Variants in TTC39B observed in about 807,000 individuals in gnomAD.
The protein encoded by TTC39B is tetratricopeptide repeat protein 39B.
TTC39B carries 92 observed loss-of-function variants against 96.6 expected under a neutral mutation model. The ratio of observed to expected loss-of-function variants is 0.95; its 90% CI spans 0.80 to 1.13. The LOEUF (loss-of-function observed/expected upper bound fraction) is 1.13. TTC39B is among the 50% of genes most tolerant of loss of function. TTC39B has a pLI of 0.00. For synonymous variants in TTC39B, 367 were observed against 299.4 expected (o/e 1.23, Z -2.33); for missense variants, 955 against 809.3 (o/e 1.18, Z -2.18).
intron 1 of TTC39B, among the ~76,000 whole-genome samples, chr9:15,286,538 A>C (rs1363371884): frequency 2.0e-5 from 3 of 152,112 alleles, no homozygotes; most frequent in African/African-American, 7.2e-5. Flanking sequence ...GTGTTGTCCT[A>C]TTTCTCCACT....
intron 1 of TTC39B, among the ~76,000 whole-genome samples, chr9:15,292,286 G>C (rs1824214841): frequency 1.3e-5 from 2 of 152,246 alleles, no homozygotes; most frequent in Non-Finnish European, 2.9e-5. Context: ...CATAAGATTG[G>C]AGTGGAGCTA....
At chr9:15,214,550 A>C (rs1488293398) in intron 3 of TTC39B, among the ~76,000 whole-genome samples, 1 of 152,138 alleles carries the variant, frequency 6.6e-6, no homozygotes, top group Non-Finnish European at 1.5e-5. Flanking sequence ...GTGCAAAATA[A>C]CTGTTGTCTA....
At position 15,226,034 on chromosome 9, in the gene TTC39B, C is replaced by T. The variant is rs150594316; in HGVS notation, c.276-22G>A. The T allele has an allele frequency of 1.4e-3, 2,245 of 1,608,476 alleles. 29 individuals are homozygous for T. The African/African-American group carries it at 0.027, about 19-fold the overall frequency. ...AGATCTGTTAATTAAAAAGGCAGAG[C>T]AAGGTTTTTTATTTCTTTGTCCTGT... is the stretch of plus-strand genomic sequence containing the variant. On this transcript the variant is annotated intron_variant, in intron 2 of 19. Transcript: ENST00000512701.
At chr9:15,189,625 G>C in exon 13 of TTC39B, 1 of 1,614,046 alleles carries the variant, frequency 6.2e-7, no homozygotes, top group Non-Finnish European at 8.5e-7. Flanking sequence ...AAAACAACAC[G>C]AGTGAGCCCT....
chr9:15,252,539 T>C (rs1384181425), intron 2 of TTC39B, among the ~76,000 whole-genome samples: 1 of 152,040 alleles, frequency 6.6e-6, no homozygotes, highest in African/African-American at 2.4e-5. Flanking sequence ...TCCCAGCTAC[T>C]TGGGAGGCTG....
At chr9:15,245,760 G>A (rs537409970) in intron 2 of TTC39B, among the ~76,000 whole-genome samples, 58 of 152,032 alleles carry the variant, frequency 3.8e-4, no homozygotes, top group Non-Finnish European at 6.0e-4. Flanking sequence ...AATGATCACC[G>A]AAGAAATCCA....
chr9:15,304,243 G>T (rs1441175962), intron 1 of TTC39B, among the ~76,000 whole-genome samples: 1 of 152,096 alleles, frequency 6.6e-6, no homozygotes, highest in Non-Finnish European at 1.5e-5. Context: ...TAAATTTGTT[G>T]GATTGACCTT....
chr9:15,232,005 G>A lies in TTC39B; in HGVS notation c.276-5993C>T, dbSNP rs878862687. Reference sequence around the variant, plus strand: ...CCCCGAGTCACCCCCACCAGGGCTGGAGCTTGAGCTCGTCACTGTGATACT... The same window carrying A: ...CCCCGAGTCACCCCCACCAGGGCTGAAGCTTGAGCTCGTCACTGTGATACT... On this transcript the variant is annotated intron_variant, in intron 2 of 19. Transcript: ENST00000512701. Among the ~76,000 whole-genome samples, 10 of 152,084 alleles carry A rather than the reference G, an allele frequency of 6.6e-5. 1 individual carries two copies. The highest frequency in any genetic ancestry group is 6.5e-4 in the Admixed American group (10 of 15,274).
chr9:15,277,579 C>G (rs551539573), intron 1 of TTC39B, among the ~76,000 whole-genome samples: 1 of 152,000 alleles, frequency 6.6e-6, no homozygotes, highest in East Asian at 1.9e-4. Context: ...AGACATTGCC[C>G]AACACAGTGA....
intron 1 of TTC39B, among the ~76,000 whole-genome samples, chr9:15,292,683 A>C (rs2131605203): frequency 6.6e-6 from 1 of 152,294 alleles, no homozygotes; most frequent in South Asian, 2.1e-4. Context: ...ATGTAGGCCC[A>C]GGCTAATCTG....
chr9:15,178,877 C>A (rs1177911336), intron 17 of TTC39B, among the ~76,000 whole-genome samples: 1 of 152,150 alleles, frequency 6.6e-6, no homozygotes, highest in Non-Finnish European at 1.5e-5. Context: ...ATTAAAAATT[C>A]AGGAAGTAGA....
intron 1 of TTC39B, among the ~76,000 whole-genome samples, chr9:15,283,607 G>A (rs1390401424): frequency 1.3e-5 from 2 of 151,952 alleles, no homozygotes; most frequent in Non-Finnish European, 1.5e-5. Flanking sequence ...TAGTTCTAAA[G>A]TTATCAAGAA....
chr9:15,214,603 C>G (rs1366010856), intron 3 of TTC39B, among the ~76,000 whole-genome samples: 1 of 152,104 alleles, frequency 6.6e-6, no homozygotes, highest in Non-Finnish European at 1.5e-5. Context: ...GTTCAACTAA[C>G]TTCCCTCCCC....
intron 7 of TTC39B, among the ~76,000 whole-genome samples, chr9:15,201,790 C>A (rs1466102213): frequency 1.3e-5 from 2 of 151,992 alleles, no homozygotes; most frequent in Non-Finnish European, 2.9e-5. Context: ...AGAGGAGGTA[C>A]CAGTTTTGTT....
chr9:15,297,290 G>A (rs192794049), intron 1 of TTC39B, among the ~76,000 whole-genome samples: 1 of 152,278 alleles, frequency 6.6e-6, no homozygotes, highest in Admixed American at 6.5e-5. Context: ...GAAGACACAT[G>A]TCAAAAACTC....
exon 16 of TTC39B, chr9:15,185,336 C>A: frequency 1.2e-6 from 2 of 1,613,860 alleles, no homozygotes; most frequent in Non-Finnish European, 1.7e-6. Flanking sequence ...TAACGCCGAG[C>A]CTTCCTCACA....
exon 4 of TTC39B, chr9:15,214,229 T>C: frequency 1.2e-6 from 2 of 1,613,932 alleles, no homozygotes. Context: ...ACTCTTGAGA[T>C]CCACCTTGGT....
chr9:15,206,559 G>A (rs1218906167), intron 6 of TTC39B, among the ~76,000 whole-genome samples: 2 of 152,188 alleles, frequency 1.3e-5, no homozygotes, highest in Non-Finnish European at 2.9e-5. Context: ...GCACTTATGA[G>A]TAGGTAACTA....
At chr9:15,219,180 G>T (rs1214593294) in intron 3 of TTC39B, among the ~76,000 whole-genome samples, 1 of 152,152 alleles carries the variant, frequency 6.6e-6, no homozygotes. Context: ...GTAAGTCTCA[G>T]CTTCCTTATC....
Sources: allele counts gnomAD v4.1 joint callset (sites outside exome capture counted in the v4.1 genomes callset), GRCh38; gene constraint gnomAD v4.1.1; transcripts MANE v1.5; gene names NCBI Gene and HGNC (gene_info 2026-07-23, HGNC 2026-07-21).